The following FSTL4 variants were observed in gnomAD, a reference collection of about 807,000 sequenced individuals.
The protein encoded by FSTL4 is follistatin-related protein 4.
In FSTL4, 28 loss-of-function variants were observed where a neutral mutation model predicts 78.2. That is an observed-to-expected ratio of 0.36 (90% CI 0.27 to 0.49). The LOEUF is 0.49. Ranked by LOEUF, FSTL4 falls within the 20% of genes least tolerant of loss-of-function variation. FSTL4 has a pLI of 0.98. For missense variants in FSTL4, 922 were observed against 1,084.9 expected (o/e 0.85, Z 2.11); for synonymous variants, 422 against 440.5 (o/e 0.96, Z 0.53).
In FSTL4 at chr5:133,555,176, C is replaced by T. The variant is rs1759763491; in HGVS notation, c.160+12010G>A. ...TAACTTTTACCATTTCCTCCATACA[C>T]ATTTTGAATATTTTGAATACCCCAG... On this transcript the variant is annotated intron_variant, in intron 3 of 15. Transcript: ENST00000265342. Among the ~76,000 whole-genome samples, 3 of 152,210 alleles carry T rather than the reference C, an allele frequency of 2.0e-5. No individual in the cohort carries two copies. In the South Asian group the frequency reaches 6.2e-4, roughly 32 times the overall value.
At chr5:133,696,226 C>T in the FSTL4 span, among the ~76,000 whole-genome samples, 1 of 152,260 alleles carries the variant, frequency 6.6e-6, no homozygotes, top group South Asian at 2.1e-4. Context: ...TCTCCTCCTT[C>T]TTTGCTCACT....
chr5:133,385,494 G>T (rs1755678057), intron 4 of FSTL4, among the ~76,000 whole-genome samples: 1 of 152,144 alleles, frequency 6.6e-6, no homozygotes, highest in Non-Finnish European at 1.5e-5. Flanking sequence ...GCCATCTCGG[G>T]CTGCCCCACA....
intron 8 of FSTL4, among the ~76,000 whole-genome samples, chr5:133,230,601 ACTCCTCAC>A (rs1751464635): frequency 1.3e-5 from 2 of 151,706 alleles, no homozygotes; most frequent in African/African-American, 4.8e-5. Flanking sequence ...GGGTAAGATG[ACTCCTCAC>A]TGGCCTCCAG....
intron 3 of FSTL4, among the ~76,000 whole-genome samples, chr5:133,525,664 C>T (rs3891588): frequency 3.9e-5 from 6 of 152,228 alleles, no homozygotes; most frequent in African/African-American, 7.2e-5. Context: ...AAGAGCACTT[C>T]GTCCTAATTA....
chr5:133,335,649 C>G (rs1177769307), intron 4 of FSTL4, among the ~76,000 whole-genome samples: 2 of 150,696 alleles, frequency 1.3e-5, no homozygotes, highest in Non-Finnish European at 2.9e-5. Flanking sequence ...TTCTAGAAAG[C>G]CTTCCCTGAA....
chr5:133,502,732 C>T (rs1310257718), intron 3 of FSTL4, among the ~76,000 whole-genome samples: 2 of 146,782 alleles, frequency 1.4e-5, no homozygotes, highest in African/African-American at 5.2e-5. Flanking sequence ...AAGTTTCCTT[C>T]TCCTCAGAAG....
intron 2 of FSTL4, among the ~76,000 whole-genome samples, chr5:133,569,931 C>T (rs113564527): frequency 7.2e-5 from 11 of 152,122 alleles, no homozygotes; most frequent in African/African-American, 2.2e-4. Flanking sequence ...AGAAATTGCC[C>T]GGGCGCGGTG....
the FSTL4 span, among the ~76,000 whole-genome samples, chr5:133,824,301 C>T: frequency 5.9e-5 from 9 of 152,238 alleles, no homozygotes; most frequent in African/African-American, 1.9e-4. Flanking sequence ...CAGCCCCCTC[C>T]TTGGGTTCGA....
intron 1 of FSTL4, among the ~76,000 whole-genome samples, chr5:133,606,302 TAG>T (rs1275219807): frequency 6.6e-6 from 1 of 152,162 alleles, no homozygotes; most frequent in Middle Eastern, 3.2e-3. Flanking sequence ...GTATTTTTAA[TAG>T]AGACAGGGTT....
chr5:133,728,656 T>C, the FSTL4 span, among the ~76,000 whole-genome samples: 1 of 151,550 alleles, frequency 6.6e-6, no homozygotes, highest in Non-Finnish European at 1.5e-5. Flanking sequence ...TAGTCCTCAA[T>C]GTGGTACATT....
intron 3 of FSTL4, among the ~76,000 whole-genome samples, chr5:133,432,740 T>G (rs1433110636): frequency 6.6e-6 from 1 of 152,126 alleles, no homozygotes; most frequent in African/African-American, 2.4e-5. Flanking sequence ...GATAGGATGC[T>G]GGGTGGGTGG....
At chr5:133,470,945 A>C (rs1431303720) in intron 3 of FSTL4, among the ~76,000 whole-genome samples, 4 of 152,106 alleles carry the variant, frequency 2.6e-5, no homozygotes, top group Admixed American at 6.5e-5. Flanking sequence ...AAATATTGAT[A>C]CAGGAGGTCT....
At chr5:133,702,346 C>T in the FSTL4 span, among the ~76,000 whole-genome samples, 1 of 152,166 alleles carries the variant, frequency 6.6e-6, no homozygotes, top group Non-Finnish European at 1.5e-5. Flanking sequence ...GGCTATGGCT[C>T]CTCGGCCTGA....
At chr5:133,448,650 ACT>A (rs1757315208) in intron 3 of FSTL4, among the ~76,000 whole-genome samples, 1 of 137,214 alleles carries the variant, frequency 7.3e-6, no homozygotes, top group African/African-American at 2.7e-5. Flanking sequence ...TAACGTCCCC[ACT>A]CTCGAGACAG....
At chr5:133,798,396 G>A in the FSTL4 span, among the ~76,000 whole-genome samples, 1 of 151,920 alleles carries the variant, frequency 6.6e-6, no homozygotes. Flanking sequence ...TCTGTACAGG[G>A]AAGTTTTTTT....
the FSTL4 span, among the ~76,000 whole-genome samples, chr5:133,624,106 T>A: frequency 6.6e-6 from 1 of 151,924 alleles, no homozygotes; most frequent in Non-Finnish European, 1.5e-5. Context: ...CCTAAGTATA[T>A]GCCCAAAAGA....
intron 4 of FSTL4, among the ~76,000 whole-genome samples, chr5:133,318,175 G>C (rs1051903475): frequency 6.6e-6 from 1 of 152,048 alleles, no homozygotes; most frequent in African/African-American, 2.4e-5. Flanking sequence ...TTGCTCTCTG[G>C]GAGTCTTCAT....
At chr5:133,819,629 A>T in the FSTL4 span, among the ~76,000 whole-genome samples, 1 of 152,312 alleles carries the variant, frequency 6.6e-6, no homozygotes, top group East Asian at 1.9e-4. Context: ...AGAAATTCAC[A>T]ATACATCCAC....
At chr5:133,292,105 A>T (rs1374422878) in intron 6 of FSTL4, among the ~76,000 whole-genome samples, 1 of 152,152 alleles carries the variant, frequency 6.6e-6, no homozygotes, top group Non-Finnish European at 1.5e-5. Context: ...GGAGTGGCAG[A>T]CCAAGGGCAG....
Sources: allele counts gnomAD v4.1 joint callset (sites outside exome capture counted in the v4.1 genomes callset), GRCh38; gene constraint gnomAD v4.1.1; transcripts MANE v1.5; gene names NCBI Gene and HGNC (gene_info 2026-07-23, HGNC 2026-07-21).